The following DKK3 variants were observed in gnomAD, a reference collection of about 807,000 sequenced individuals.
The protein encoded by DKK3 is dickkopf Wnt signaling pathway inhibitor 3.
In DKK3, 22 loss-of-function variants were observed where a neutral mutation model predicts 33.2. That is an observed-to-expected ratio of 0.66 (90% CI 0.47 to 0.95). DKK3 has a LOEUF of 0.95. DKK3 is among the 40% of genes least tolerant of loss of function. The probability of loss-of-function intolerance (pLI) is 0.00; values close to 1 mark genes in which losing one functional copy is unlikely to be tolerated. For missense variants in DKK3, 398 were observed against 458.4 expected, an observed-to-expected ratio of 0.87 and a Z score of 1.20; for synonymous variants, 194 against 188.8, an observed-to-expected ratio of 1.03 and a Z score of -0.23.
At chr11:11,967,639 C>T (rs1376322012) in intron 4 of DKK3, among the ~76,000 whole-genome samples, 2 of 152,176 alleles carry the variant, frequency 1.3e-5, no homozygotes, top group Admixed American at 6.5e-5. Context: ...CACAGACAGT[C>T]GGGTAAGGTA....
rs763734556 is a variant in DKK3, at chr11:12,008,164, T to G, written c.213+206A>C. On this transcript the variant is annotated intron_variant, in intron 1 of 6. Coordinates refer to ENST00000683431, the MANE Select transcript of DKK3 (RefSeq NM_001018057.2). The surrounding 1 kb of genome is among the most constrained non-coding windows in gnomAD (Gnocchi z 4.6). ...GAGCCTCTCGGTGGACAGGCTCAGA[T>G]CCAGACTTTTTGGCAAGGAGGCAAA... Among the ~76,000 whole-genome samples the G allele has an allele frequency of 6.6e-6, 1 of 151,896 alleles. No individual in the cohort carries two copies. The highest frequency in any genetic ancestry group is 1.5e-5 in the Non-Finnish European group (1 of 67,958).
At chr11:11,992,447 G>A (rs185505049) in intron 3 of DKK3, among the ~76,000 whole-genome samples, 10 of 152,276 alleles carry the variant, frequency 6.6e-5, no homozygotes, top group African/African-American at 7.2e-5. Flanking sequence ...GTCTGTATTC[G>A]CAGGGGTGGA....
At chr11:11,965,542 T>TC (rs1395808775) in intron 6 of DKK3, among the ~76,000 whole-genome samples, 1 of 152,116 alleles carries the variant, frequency 6.6e-6, no homozygotes, top group Non-Finnish European at 1.5e-5. Context: ...TCCCTCCATG[T>TC]CCTCTCCATG....
chr11:11,985,735 T>C (rs1047658763), intron 3 of DKK3, among the ~76,000 whole-genome samples: 7 of 152,222 alleles, frequency 4.6e-5, no homozygotes, highest in Non-Finnish European at 1.0e-4. Flanking sequence ...GTGGGTTTGG[T>C]AAGAGTGAAG....
At chr11:11,991,872 C>G (rs749748673) in intron 3 of DKK3, among the ~76,000 whole-genome samples, 4 of 152,212 alleles carry the variant, frequency 2.6e-5, no homozygotes, top group South Asian at 2.1e-4. Context: ...AACTGTCTCC[C>G]AAGCAAGTCT....
intron 3 of DKK3, among the ~76,000 whole-genome samples, chr11:11,996,507 T>C (rs1020749087): frequency 6.6e-6 from 1 of 152,188 alleles, no homozygotes; most frequent in Admixed American, 6.5e-5. Context: ...TTCTCTGCCA[T>C]ATGACATCCC....
chr11:12,007,403 G>A (rs535431420), intron 1 of DKK3, among the ~76,000 whole-genome samples: 3 of 152,122 alleles, frequency 2.0e-5, no homozygotes, highest in Admixed American at 1.3e-4. Flanking sequence ...CAGCGCCCTC[G>A]TCTACCCACC....
At chr11:12,000,063 C>T (rs2403556) in intron 2 of DKK3, among the ~76,000 whole-genome samples, 6 of 152,060 alleles carry the variant, frequency 3.9e-5, no homozygotes, top group Non-Finnish European at 7.4e-5. Context: ...TTATTAGAAC[C>T]TTTATTATAA....
chr11:11,968,752 TC>T (rs1350587330), intron 3 of DKK3: 2 of 350,246 alleles, frequency 5.7e-6, no homozygotes, highest in Non-Finnish European at 1.0e-5. Flanking sequence ...TGCACAGTTC[TC>T]CCCCACCCAC....
chr11:11,989,532 G>A (rs986285588), intron 3 of DKK3, among the ~76,000 whole-genome samples: 2 of 152,128 alleles, frequency 1.3e-5, no homozygotes, highest in African/African-American at 4.8e-5. Context: ...GAGGTACCTT[G>A]AGTGGTCAGA....
chr11:11,979,667 T>C (rs1042210503), intron 3 of DKK3: 8 of 152,292 alleles, frequency 5.3e-5, no homozygotes, highest in Non-Finnish European at 1.0e-4. Flanking sequence ...CCCTCACAGA[T>C]GCTCCCACCA....
intron 1 of DKK3, among the ~76,000 whole-genome samples, chr11:12,006,800 G>C (rs1306794080): frequency 6.6e-6 from 1 of 152,194 alleles, no homozygotes; most frequent in Non-Finnish European, 1.5e-5. Flanking sequence ...CAGACTTTCT[G>C]AACAGTGGTG....
At chr11:11,967,614 C>A (rs2134991938) in intron 4 of DKK3, among the ~76,000 whole-genome samples, 2 of 152,352 alleles carry the variant, frequency 1.3e-5, no homozygotes, top group South Asian at 2.1e-4. Context: ...CGAGGTGCAA[C>A]AGCAGTGGCC....
intron 3 of DKK3, among the ~76,000 whole-genome samples, chr11:11,987,596 T>G (rs745634367): frequency 3.9e-5 from 6 of 151,928 alleles, no homozygotes; most frequent in Admixed American, 1.3e-4. Context: ...TGATTAGTAA[T>G]GTCTGCCATG....
At chr11:11,975,401 C>G (rs922548405) in intron 3 of DKK3, among the ~76,000 whole-genome samples, 10 of 152,212 alleles carry the variant, frequency 6.6e-5, no homozygotes, top group African/African-American at 2.4e-4. Flanking sequence ...CGTACACATT[C>G]TAGTCACTGA....
chr11:11,977,676 C>A (rs905694459), intron 3 of DKK3, among the ~76,000 whole-genome samples: 1 of 152,150 alleles, frequency 6.6e-6, no homozygotes, highest in South Asian at 2.1e-4. Flanking sequence ...CTGAGCCTGG[C>A]CGGGGTCTAT....
At chr11:11,966,395 C>T (rs986226831) in intron 5 of DKK3, among the ~76,000 whole-genome samples, 1 of 152,142 alleles carries the variant, frequency 6.6e-6, no homozygotes. Flanking sequence ...ACAAGACAGC[C>T]TAAGGAGTCT....
At chr11:11,979,717 G>T in intron 3 of DKK3, 1 of 152,460 alleles carries the variant, frequency 6.6e-6, no homozygotes. Context: ...CAGCAAGGAG[G>T]CCAGCGTCCA....
intron 1 of DKK3, among the ~76,000 whole-genome samples, chr11:12,007,162 G>A (rs957613043): frequency 7.2e-5 from 11 of 152,146 alleles, no homozygotes; most frequent in Admixed American, 5.2e-4. Context: ...TTGTGGAGTG[G>A]GAGGGGAAAT....
Sources: allele counts gnomAD v4.1 joint callset (sites outside exome capture counted in the v4.1 genomes callset), GRCh38; gene constraint gnomAD v4.1.1; non-coding constraint Gnocchi (gnomAD v3.1); transcripts MANE v1.5; gene names NCBI Gene and HGNC (gene_info 2026-07-23, HGNC 2026-07-21).